The following PBX3 variants were observed in gnomAD, a reference collection of about 807,000 sequenced individuals.
PBX3 encodes pre-B-cell leukemia transcription factor 3.
PBX3 carries 14 observed loss-of-function variants against 48.5 expected under a neutral mutation model. The observed-to-expected ratio is 0.29, with a 90% CI of 0.19 to 0.45. The LOEUF (loss-of-function observed/expected upper bound fraction) is 0.45. Ranked by LOEUF, PBX3 falls within the 20% of genes least tolerant of loss-of-function variation. The pLI, the probability that PBX3 is intolerant of heterozygous loss-of-function variation, is 1.00. For missense variants in PBX3, 386 were observed against 546.7 expected (o/e 0.71, Z 2.93); for synonymous variants, 210 against 200.3 (o/e 1.05, Z -0.41).
At chr9:125,851,829 C>A (rs1460527056) in intron 2 of PBX3, among the ~76,000 whole-genome samples, 1 of 148,056 alleles carries the variant, frequency 6.8e-6, no homozygotes, top group Non-Finnish European at 1.5e-5. Flanking sequence ...TAATTAAAAG[C>A]ATTTGTTTAG....
chr9:125,923,855 T>C (rs1588300268), intron 3 of PBX3, among the ~76,000 whole-genome samples: 1 of 150,978 alleles, frequency 6.6e-6, no homozygotes, highest in South Asian at 2.1e-4. Context: ...TGTGAACCAC[T>C]GCACCCAGCC....
At chr9:125,865,990 C>CTT (rs200362144) in intron 2 of PBX3, among the ~76,000 whole-genome samples, 1,979 of 140,532 alleles carry the variant, frequency 0.014, 54 homozygotes, top group African/African-American at 0.048. Flanking sequence ...AAGAAAATAG[C>CTT]TTTTTTTTTT....
chr9:125,901,639 C>T (rs2132424353), intron 2 of PBX3, among the ~76,000 whole-genome samples: 1 of 151,744 alleles, frequency 6.6e-6, no homozygotes, highest in East Asian at 1.9e-4. Flanking sequence ...TGGCTTGAAA[C>T]ATAGTGTGTG....
intron 2 of PBX3, among the ~76,000 whole-genome samples, chr9:125,888,784 G>C (rs1270986226): frequency 6.6e-6 from 1 of 152,004 alleles, no homozygotes; most frequent in Non-Finnish European, 1.5e-5. Flanking sequence ...TAATTTTTAT[G>C]GCAGGCCAAT....
At chr9:125,878,239 C>G (rs1366702842) in intron 2 of PBX3, among the ~76,000 whole-genome samples, 1 of 152,216 alleles carries the variant, frequency 6.6e-6, no homozygotes, top group African/African-American at 2.4e-5. Flanking sequence ...ATTCACTCAA[C>G]TGGCAGCAAG....
intron 2 of PBX3, among the ~76,000 whole-genome samples, chr9:125,902,950 T>C (rs956613243): frequency 6.6e-4 from 100 of 151,904 alleles, no homozygotes; most frequent in African/African-American, 2.4e-3. Flanking sequence ...TTCTTTCTGG[T>C]AGAATGAATA....
At chr9:125,901,529 G>A (rs1047379672) in intron 2 of PBX3, among the ~76,000 whole-genome samples, 1 of 151,670 alleles carries the variant, frequency 6.6e-6, no homozygotes, top group South Asian at 2.1e-4. Flanking sequence ...ATAGGTTTTA[G>A]TATAGTACTG....
chr9:125,962,989 A>G, intron 7 of PBX3, 23 bp from the exon 8 acceptor site: 1 of 1,400,922 alleles, frequency 7.1e-7, no homozygotes, highest in East Asian at 2.3e-5. Flanking sequence ...GGGATGATGA[A>G]TTTTGTTTTG....
intron 2 of PBX3, among the ~76,000 whole-genome samples, chr9:125,767,623 GT>G (rs1451906815): frequency 2.6e-5 from 4 of 152,164 alleles, no homozygotes; most frequent in Admixed American, 2.6e-4. Flanking sequence ...TTTAAATACA[GT>G]TTCAGGGAGT....
At position 125,778,619 on chromosome 9, in the gene PBX3, T is replaced by TC. The variant is rs60165539; in HGVS notation, c.274+29997dup. On this transcript the variant is annotated intron_variant, in intron 2 of 8. Transcript: ENST00000373489. ...GTTGATCTTTTCTTTTTTTTTTTTTTCATATTTTCTATTTCTTTAATAAAT... is the reference window on the plus strand; with the variant it reads ...GTTGATCTTTTCTTTTTTTTTTTTTTCCATATTTTCTATTTCTTTAATAAAT... Among the ~76,000 whole-genome samples, 51 of 149,146 alleles carry TC rather than the reference T, an allele frequency of 3.4e-4. 1 individual carries two copies. Among genetic ancestry groups the TC allele is most frequent in the Non-Finnish European group, 7.0e-4 (47 of 67,318 alleles).
chr9:125,892,027 C>G (rs1262111653), intron 2 of PBX3, among the ~76,000 whole-genome samples: 1 of 152,158 alleles, frequency 6.6e-6, no homozygotes, highest in Non-Finnish European at 1.5e-5. Flanking sequence ...TCAAGCAATT[C>G]TCCTGCCCCG....
At chr9:125,940,374 CAG>C (rs1050139204) in intron 5 of PBX3, among the ~76,000 whole-genome samples, 1 of 152,054 alleles carries the variant, frequency 6.6e-6, no homozygotes, top group African/African-American at 2.4e-5. Context: ...ATCTAAGTAA[CAG>C]AATTTAAAAA....
chr9:125,808,684 CA>C (rs939866562), intron 2 of PBX3, among the ~76,000 whole-genome samples: 2 of 152,008 alleles, frequency 1.3e-5, no homozygotes, highest in Non-Finnish European at 2.9e-5. Context: ...ATAAAAAATA[CA>C]GTCACTGTAA....
At chr9:125,907,003 A>G (rs1020845002) in intron 2 of PBX3, among the ~76,000 whole-genome samples, 23 of 152,136 alleles carry the variant, frequency 1.5e-4, no homozygotes, top group African/African-American at 5.3e-4. Flanking sequence ...ACACATGGCT[A>G]TTCTTTACAT....
intron 1 of PBX3, 101 bp downstream of exon 1, chr9:125,747,754 C>A (rs1289524956): frequency 3.4e-6 from 3 of 872,512 alleles, no homozygotes; most frequent in Admixed American, 4.3e-5. Context: ...GCCGCAGCCC[C>A]CGGCGGGGAA....
At position 125,925,866 on chromosome 9, in the gene PBX3, T is replaced by C. The variant is rs114660109; in HGVS notation, c.517-3789T>C. On this transcript the variant is annotated intron_variant, in intron 3 of 8. Coordinates refer to ENST00000373489, the MANE Select transcript of PBX3 (RefSeq NM_006195.6). The stretch of plus-strand genomic sequence containing the variant: ...TTTGGGAAAAAGTTGGATATGCTAT[T>C]TCTCCTTGAAGATTTATTACAAATA... Among the ~76,000 whole-genome samples the C allele has an allele frequency of 1.5e-3, 233 of 152,324 alleles. 2 individuals are homozygous for C. Among genetic ancestry groups the C allele is most frequent in the African/African-American group, 5.5e-3 (227 of 41,570 alleles).
chr9:125,929,674 C>T lies in PBX3; in HGVS notation c.536C>T (p.Thr179Ile). The stretch of plus-strand genomic sequence containing the variant: ...TTACAGGCATGTAATGAATTTACTA[C>T]ACATGTGATGAACCTTCTCCGAGAA... ...KYEQACNEFTTHVMNLLREQS... is the reference protein window; with the variant it reads ...KYEQACNEFTIHVMNLLREQS... Residue 179 changes from threonine (T) to isoleucine (I), a missense_variant, in exon 4 of 9, where the codon ACA becomes ATA. Thr to Ile is a moderately conservative substitution (Grantham distance 89, BLOSUM62 -1). Around this residue, in one of 4 missense-constraint regions of PBX3, gnomAD observed 74 missense variants for 206.1 expected, o/e 0.36. Transcript: ENST00000373489. The T allele has an allele frequency of 6.2e-7, 1 of 1,609,398 alleles. No homozygotes were observed. The highest frequency in any genetic ancestry group is 8.5e-7 in the Non-Finnish European group (1 of 1,178,052).
chr9:125,874,597 A>G (rs1840205112), intron 2 of PBX3, among the ~76,000 whole-genome samples: 1 of 152,174 alleles, frequency 6.6e-6, no homozygotes, highest in Non-Finnish European at 1.5e-5. Flanking sequence ...AACTCTACCC[A>G]ATAAGAGCAG....
At chr9:125,904,197 A>G (rs1441777332) in intron 2 of PBX3, among the ~76,000 whole-genome samples, 1 of 151,896 alleles carries the variant, frequency 6.6e-6, no homozygotes, top group Admixed American at 6.6e-5. Context: ...CTCGTACTTC[A>G]TCATAGAAAA....
Sources: gnomAD v4.1 joint callset for allele counts (sites outside exome capture counted in the v4.1 genomes callset) on GRCh38, gnomAD v4.1.1 for gene constraint, gnomAD v4.1.1 regional missense constraint, MANE v1.5 for transcripts, NCBI Gene and HGNC (gene_info 2026-07-23, HGNC 2026-07-21) for gene names.